RNF8: variants seen among roughly 807,000 people sequenced by gnomAD.
RNF8 encodes the protein ring finger protein 8.
A neutral mutation model predicts 59.3 loss-of-function variants in RNF8; 8 were observed. The observed-to-expected ratio is 0.13, with a 90% CI of 0.08 to 0.24. RNF8 has a LOEUF of 0.24. Ranked by LOEUF, RNF8 falls within the 10% of genes least tolerant of loss-of-function variation. RNF8 has a pLI of 1.00. For synonymous variants in RNF8, 162 were observed against 200.0 expected (o/e 0.81, Z 1.60); for missense variants, 406 against 572.6 (o/e 0.71, Z 2.97).
intron 2 of RNF8, chr6:37,361,448 A>G (rs1769320199): frequency 2.3e-6 from 1 of 430,898 alleles, no homozygotes; most frequent in East Asian, 7.1e-5. Context: ...TAGCCACTGC[A>G]CTCCAGTGTG....
intron 2 of RNF8, among the ~76,000 whole-genome samples, chr6:37,366,391 C>T (rs999659367): frequency 2.0e-5 from 3 of 152,188 alleles, no homozygotes; most frequent in Non-Finnish European, 2.9e-5. Flanking sequence ...CTCCATCCCT[C>T]TCTGTTGTTA....
chr6:37,379,331 T>C (rs1186979369), intron 6 of RNF8, among the ~76,000 whole-genome samples: 2 of 152,162 alleles, frequency 1.3e-5, no homozygotes, highest in Admixed American at 1.3e-4. Context: ...TCAGATAGGT[T>C]TTCAGTACTG....
Position 37,356,910 on chromosome 6 carries a change from T to C in RNF8, c.111+2635T>C, listed in dbSNP as rs535375818. 1.2e-3 allele frequency among the ~76,000 whole-genome samples: 181 copies of C among 152,304 alleles called. 1 individual carries two copies. Among genetic ancestry groups the C allele is most frequent in the Non-Finnish European group, 2.1e-3 (146 of 68,024 alleles). On this transcript the variant is annotated intron_variant, in intron 1 of 7. Coordinates refer to ENST00000373479, the MANE Select transcript of RNF8 (RefSeq NM_003958.4). ...TGCACCACTATGCCCAGTTACTTTT[T>C]GTGTTTTCAATAGAGGTGGGGTTTC...
Position 37,386,756 on chromosome 6 carries a change from T to A in RNF8, c.1442-3986T>A, listed in dbSNP as rs9368994. 4.8e-3 allele frequency among the ~76,000 whole-genome samples: 734 copies of A among 152,316 alleles called. 15 individuals are homozygous for A. In the East Asian group the frequency reaches 0.066, roughly 14 times the overall value. On this transcript the variant is annotated intron_variant, in intron 7 of 7. Transcript: ENST00000373479. ...TCAGCCCACCAGCCTAGCTTGTCCA[T>A]CAGGCTGGGAAAAGGGCCTGGAGAT...
At chr6:37,383,545 G>C (rs1770363254) in intron 7 of RNF8, among the ~76,000 whole-genome samples, 1 of 152,242 alleles carries the variant, frequency 6.6e-6, no homozygotes, top group Non-Finnish European at 1.5e-5. Context: ...GCCACAGGGT[G>C]TTGCCCATGC....
chr6:37,388,288 T>C (rs1369686673), intron 7 of RNF8, among the ~76,000 whole-genome samples: 1 of 152,190 alleles, frequency 6.6e-6, no homozygotes, highest in African/African-American at 2.4e-5. Flanking sequence ...TTTCTTTCTA[T>C]TGGGGCACCT....
chr6:37,363,177 C>T lies in RNF8; in HGVS notation c.240+2603C>T, dbSNP rs887099981. ...GCATTTGAAGTCCCTGTTGAGTGTA[C>T]TCTTACGTGAACAAAGTTTGCTGTT... On this transcript the variant is annotated intron_variant, in intron 2 of 7. Coordinates refer to ENST00000373479, the MANE Select transcript of RNF8 (RefSeq NM_003958.4). Among the ~76,000 whole-genome samples, 6 of 152,308 alleles carry T rather than the reference C, an allele frequency of 3.9e-5. No homozygotes were observed. In the East Asian group the frequency reaches 1.2e-3, roughly 29 times the overall value.
At chr6:37,369,743 G>A (rs1581678305) in intron 3 of RNF8, 1 of 153,072 alleles carries the variant, frequency 6.5e-6, no homozygotes. Flanking sequence ...AAGCCAGGAG[G>A]TGAGGGGCTA....
At position 37,359,863 on chromosome 6, in the gene RNF8, C is replaced by G. The variant is rs111333086; in HGVS notation, c.112-583C>G. Among the ~76,000 whole-genome samples the G allele has an allele frequency of 6.5e-3, 990 of 152,206 alleles. 8 individuals are homozygous for G. The highest frequency in any genetic ancestry group is 0.022 in the African/African-American group (907 of 41,528). ...CAGGAATAAAGATAAACCAGCAGTC[C>G]CTTCACAGACTCATTAGAATGGCAA... is the stretch of plus-strand genomic sequence containing the variant. On this transcript the variant is annotated intron_variant, in intron 1 of 7. Coordinates refer to ENST00000373479, the MANE Select transcript of RNF8 (RefSeq NM_003958.4).
intron 6 of RNF8, among the ~76,000 whole-genome samples, chr6:37,377,398 C>T (rs907693553): frequency 9.9e-5 from 15 of 152,088 alleles, no homozygotes; most frequent in African/African-American, 3.6e-4. Flanking sequence ...ATTCTCCCAA[C>T]CCTGAATGAA....
At chr6:37,371,398 C>A in intron 3 of RNF8, 114 bp from the exon 4 acceptor site, 3 of 753,616 alleles carry the variant, frequency 4.0e-6, no homozygotes, top group South Asian at 3.5e-5. Context: ...TGCTCCCTCA[C>A]CCCTGTTGTT....
chr6:37,377,045 C>T lies in RNF8; in HGVS notation c.1236+12C>T, dbSNP rs752499047. ...AATACTTCATTGAGGTAATTATGAA[C>T]AGTTGCTCACCCCTTCTTTTTTTTT... is the stretch of plus-strand genomic sequence containing the variant. On this transcript the variant is annotated intron_variant, in intron 6 of 7. Transcript: ENST00000373479. The T allele has an allele frequency of 1.7e-6, 1 of 597,394 alleles. No homozygotes were observed. The highest frequency in any genetic ancestry group is 2.0e-5 in the Admixed American group (1 of 48,956). 37.0% of individuals were successfully genotyped at this position (597,394 alleles called of 1,614,324 possible).
chr6:37,354,196 A>G lies in RNF8; in HGVS notation c.32A>G (p.Asp11Gly), dbSNP rs11966617. The G allele has an allele frequency of 2.5e-6, 4 of 1,584,366 alleles. No homozygotes were observed. In the South Asian group the frequency reaches 4.6e-5, roughly 18 times the overall value. Residue 11 changes from aspartate to glycine, a missense_variant, in exon 1 of 8, where the codon GAC becomes GGC. Transcript: ENST00000373479. The stretch of plus-strand genomic sequence containing the variant: ...GAGCCCGGCTTCTTCGTCACAGGAG[A>G]CCGCGCCGGTGGCCGGAGCTGGTGC... The part of the protein sequence containing the change: MGEPGFFVTG[D>G]RAGGRSWCLR...
chr6:37,365,820 T>C (rs993979569), intron 2 of RNF8, among the ~76,000 whole-genome samples: 6 of 152,170 alleles, frequency 3.9e-5, no homozygotes, highest in Non-Finnish European at 7.4e-5. Flanking sequence ...ATTTAAGCCA[T>C]TGTATTTGAG....
At chr6:37,367,308 A>G (rs1473451697) in intron 2 of RNF8, among the ~76,000 whole-genome samples, 2 of 152,278 alleles carry the variant, frequency 1.3e-5, no homozygotes, top group Non-Finnish European at 2.9e-5. Flanking sequence ...GCTAAATGAT[A>G]GAGCCACATT....
intron 4 of RNF8, among the ~76,000 whole-genome samples, chr6:37,373,655 G>A (rs1048267654): frequency 6.6e-6 from 1 of 152,106 alleles, no homozygotes; most frequent in Non-Finnish European, 1.5e-5. Flanking sequence ...CCATCCACCC[G>A]GCTCAGCCTC....
intron 5 of RNF8, 28 bp from the exon 6 acceptor site, chr6:37,376,898 A>G (rs752588942): frequency 6.5e-7 from 1 of 1,539,232 alleles, no homozygotes; most frequent in Admixed American, 1.7e-5. Context: ...GGTTCTCTGA[A>G]TGACAGGTAG....
At chr6:37,381,110 C>T in intron 6 of RNF8, 40 bp from the exon 7 acceptor site, 1 of 1,542,256 alleles carries the variant, frequency 6.5e-7, no homozygotes, top group Non-Finnish European at 9.0e-7. Context: ...AGAAAGTAAG[C>T]ATGAAAGTTC....
At position 37,380,761 on chromosome 6, in the gene RNF8, C is replaced by G. The variant is rs185888939; in HGVS notation, c.1237-389C>G. ...GCAGTGGTGTGATTTTGTCTCACTG[C>G]AACCTCCATCTCCTGGGTTCAAGCA... is the stretch of plus-strand genomic sequence containing the variant. On this transcript the variant is annotated intron_variant, in intron 6 of 7. Coordinates refer to ENST00000373479, the MANE Select transcript of RNF8 (RefSeq NM_003958.4). Among the ~76,000 whole-genome samples, 472 of 152,020 alleles carry G rather than the reference C, an allele frequency of 3.1e-3. 1 individual carries two copies. Among genetic ancestry groups the G allele is most frequent in the Non-Finnish European group, 5.0e-3 (338 of 67,990 alleles).
Sources: allele counts gnomAD v4.1 joint callset (sites outside exome capture counted in the v4.1 genomes callset), GRCh38; gene constraint gnomAD v4.1.1; transcripts MANE v1.5; gene names NCBI Gene and HGNC (gene_info 2026-07-23, HGNC 2026-07-21).